The following DNAJC1 variants were observed in gnomAD, a reference collection of about 807,000 sequenced individuals.
The protein encoded by DNAJC1 is dnaJ homolog subfamily C member 1.
DNAJC1 carries 58 observed loss-of-function variants against 76.6 expected under a neutral mutation model. The ratio of observed to expected loss-of-function variants is 0.76; its 90% CI spans 0.61 to 0.94. DNAJC1 has a LOEUF of 0.94. Ranked by LOEUF, DNAJC1 falls within the 40% of genes least tolerant of loss-of-function variation. The pLI, the probability that DNAJC1 is intolerant of heterozygous loss-of-function variation, is 0.00. For synonymous variants in DNAJC1, 258 were observed against 267.9 expected (o/e 0.96, Z 0.36); for missense variants, 689 against 677.3 (o/e 1.02, Z -0.19).
chr10:21,790,255 T>C (rs1018181447), intron 9 of DNAJC1, among the ~76,000 whole-genome samples: 5 of 150,796 alleles, frequency 3.3e-5, no homozygotes, highest in Non-Finnish European at 7.4e-5. Context: ...GAAAAAGGCA[T>C]AAAAAACCTA....
chr10:21,952,188 T>C (rs1476185226), intron 1 of DNAJC1, among the ~76,000 whole-genome samples: 1 of 152,232 alleles, frequency 6.6e-6, no homozygotes, highest in Non-Finnish European at 1.5e-5. Flanking sequence ...CATTCATTCA[T>C]GAAACTGAAA....
At chr10:21,785,047 T>C (rs1186710532) in intron 9 of DNAJC1, among the ~76,000 whole-genome samples, 1 of 152,040 alleles carries the variant, frequency 6.6e-6, no homozygotes, top group African/African-American at 2.4e-5. Context: ...ACTTAAAATA[T>C]AATAATAAAA....
chr10:21,803,888 A>C (rs1356717345), intron 9 of DNAJC1: 45 of 839,184 alleles, frequency 5.4e-5, no homozygotes, highest in Non-Finnish European at 6.4e-5. Context: ...CCCAAAAAAC[A>C]AAAAAAAAAT....
At chr10:21,875,731 C>G (rs866755015) in intron 8 of DNAJC1, among the ~76,000 whole-genome samples, 1 of 152,258 alleles carries the variant, frequency 6.6e-6, no homozygotes, top group Middle Eastern at 3.4e-3. Context: ...TTCAGACCAG[C>G]CTGGCCAACA....
At chr10:21,916,550 T>C (rs188965638) in intron 6 of DNAJC1, among the ~76,000 whole-genome samples, 18 of 152,300 alleles carry the variant, frequency 1.2e-4, no homozygotes, top group Admixed American at 8.5e-4. Context: ...GTACATAAAG[T>C]ACACGTTTTA....
intron 8 of DNAJC1, among the ~76,000 whole-genome samples, chr10:21,861,431 G>T (rs573043229): frequency 2.0e-5 from 3 of 151,978 alleles, no homozygotes. Flanking sequence ...TGAATTTAAC[G>T]CTTACCTCAA....
At chr10:21,825,951 T>C (rs1835242632) in intron 8 of DNAJC1, among the ~76,000 whole-genome samples, 2 of 152,216 alleles carry the variant, frequency 1.3e-5, no homozygotes, top group East Asian at 3.9e-4. Context: ...AGAAAACATA[T>C]CGACCAGCTG....
chr10:21,873,756 T>C (rs1199133496), intron 8 of DNAJC1, among the ~76,000 whole-genome samples: 1 of 152,208 alleles, frequency 6.6e-6, no homozygotes, highest in African/African-American at 2.4e-5. Context: ...CCTTTTCTTT[T>C]TAAAAACCTA....
chr10:21,894,692 G>A (rs556369236), intron 7 of DNAJC1, among the ~76,000 whole-genome samples: 9 of 152,290 alleles, frequency 5.9e-5, no homozygotes, highest in Non-Finnish European at 1.0e-4. Flanking sequence ...TGCTATGAAC[G>A]TTTGTGTCCC....
chr10:21,863,212 A>G (rs1274675083), intron 8 of DNAJC1, among the ~76,000 whole-genome samples: 1 of 152,080 alleles, frequency 6.6e-6, no homozygotes, highest in East Asian at 1.9e-4. Flanking sequence ...TGACACACAA[A>G]ACTGAAAAAA....
chr10:21,837,743 C>T (rs1676486143), intron 8 of DNAJC1, among the ~76,000 whole-genome samples: 1 of 146,696 alleles, frequency 6.8e-6, no homozygotes, highest in African/African-American at 2.5e-5. Context: ...AGTGAGGAGC[C>T]CCTCTGCCCG....
At chr10:21,905,735 T>C (rs1192296384) in intron 6 of DNAJC1, among the ~76,000 whole-genome samples, 2 of 152,162 alleles carry the variant, frequency 1.3e-5, no homozygotes, top group African/African-American at 2.4e-5. Flanking sequence ...AATAAGTATT[T>C]ACCGAATTGA....
intron 1 of DNAJC1, among the ~76,000 whole-genome samples, chr10:21,995,345 TGCTCACTATACAG>T (rs1340806982): frequency 2.0e-5 from 3 of 152,226 alleles, no homozygotes; most frequent in Non-Finnish European, 4.4e-5. Context: ...TTTTGACTAC[TGCTCACTATACAG>T]GCCACAGTTG....
At chr10:21,862,606 T>C (rs548790819) in intron 8 of DNAJC1, among the ~76,000 whole-genome samples, 1 of 151,790 alleles carries the variant, frequency 6.6e-6, no homozygotes, top group Admixed American at 6.6e-5. Flanking sequence ...TTTTTGTATT[T>C]TGAGTAGAGA....
intron 8 of DNAJC1, among the ~76,000 whole-genome samples, chr10:21,830,462 G>C (rs573895175): frequency 1.3e-5 from 2 of 151,942 alleles, no homozygotes; most frequent in Non-Finnish European, 2.9e-5. Context: ...GAAGGTAATT[G>C]GTAGTATAAC....
At chr10:21,782,831 C>G (rs1450324472) in intron 9 of DNAJC1, among the ~76,000 whole-genome samples, 6 of 152,110 alleles carry the variant, frequency 3.9e-5, no homozygotes, top group African/African-American at 1.4e-4. Flanking sequence ...TGCAGAAAGG[C>G]CTTTGACAAA....
intron 6 of DNAJC1, among the ~76,000 whole-genome samples, chr10:21,904,855 G>C (rs925809394): frequency 3.9e-5 from 6 of 152,012 alleles, no homozygotes; most frequent in Non-Finnish European, 8.8e-5. Context: ...ATATGGAAAG[G>C]AGGTATCCTC....
intron 3 of DNAJC1, among the ~76,000 whole-genome samples, chr10:21,925,108 C>T (rs868700344): frequency 1.8e-4 from 27 of 152,030 alleles, no homozygotes; most frequent in South Asian, 2.1e-4. Flanking sequence ...TCACAAGTAG[C>T]TCAAGCAATC....
intron 9 of DNAJC1, among the ~76,000 whole-genome samples, chr10:21,800,499 C>T (rs2131638910): frequency 6.6e-6 from 1 of 152,236 alleles, no homozygotes; most frequent in South Asian, 2.1e-4. Flanking sequence ...CCATGTCCAT[C>T]TCAATGAAAT....
Sources: gnomAD v4.1 joint callset for allele counts (sites outside exome capture counted in the v4.1 genomes callset) on GRCh38, gnomAD v4.1.1 for gene constraint, MANE v1.5 for transcripts, NCBI Gene and HGNC (gene_info 2026-07-23, HGNC 2026-07-21) for gene names.